The following MCF2L2 variants were observed in gnomAD, a reference collection of about 807,000 sequenced individuals.
MCF2L2 encodes probable guanine nucleotide exchange factor MCF2L2.
Under a neutral mutation model 150.2 loss-of-function variants are expected in MCF2L2, and 102 were observed. The observed-to-expected ratio is 0.68, with a 90% CI of 0.58 to 0.80. The LOEUF (loss-of-function observed/expected upper bound fraction) is 0.80, where lower values mean the gene tolerates loss of function less well. MCF2L2 is among the 30% of genes least tolerant of loss of function. The pLI is 0.00. For missense variants in MCF2L2, 1,256 were observed against 1,372.8 expected (o/e 0.91, Z 1.34); for synonymous variants, 465 against 491.3 (o/e 0.95, Z 0.71).
rs770625679 is a variant in MCF2L2, at chr3:183,207,687, C to A, written c.2633G>T (p.Gly878Val). ...SQRQIYLFERGIVFCKIRMEP... is the reference protein window; with the variant it reads ...SQRQIYLFERVIVFCKIRMEP... ...CATTCGTATCTTACAGAACACTATT[C>A]CCCTTTCAAATAGGTAGATTTGCCT... Residue 878 changes from glycine to valine, a missense_variant, in exon 23 of 30, where the codon GGA (glycine) becomes GTA (valine). By Grantham distance (109) the Gly-to-Val change is moderately radical (BLOSUM62 -3). Transcript: ENST00000328913. The A allele has an allele frequency of 6.2e-7, 1 of 1,614,208 alleles. No homozygotes were observed. The highest frequency in any genetic ancestry group is 8.5e-7 in the Non-Finnish European group (1 of 1,180,004).
chr3:183,255,153 C>A (rs1353211636), intron 15 of MCF2L2, among the ~76,000 whole-genome samples: 1 of 152,134 alleles, frequency 6.6e-6, no homozygotes, highest in African/African-American at 2.4e-5. Context: ...GAAACCTTGC[C>A]TGTTCCCTGT....
intron 20 of MCF2L2, among the ~76,000 whole-genome samples, chr3:183,220,141 C>CT (rs1723093872): frequency 6.6e-6 from 1 of 152,216 alleles, no homozygotes; most frequent in East Asian, 1.9e-4. Flanking sequence ...TTGTAGACTA[C>CT]TTTTTCTCAT....
intron 25 of MCF2L2, among the ~76,000 whole-genome samples, chr3:183,196,239 A>G (rs1417456706): frequency 6.6e-6 from 1 of 152,042 alleles, no homozygotes; most frequent in Non-Finnish European, 1.5e-5. Context: ...TACCTCCGAG[A>G]GGCCCTCTCT....
intron 17 of MCF2L2, among the ~76,000 whole-genome samples, chr3:183,229,328 C>T (rs1723463217): frequency 6.6e-6 from 1 of 152,214 alleles, no homozygotes; most frequent in Non-Finnish European, 1.5e-5. Flanking sequence ...TCTTGGTCAT[C>T]TTTGTATTCC....
chr3:183,421,503 C>G (rs1016693051), intron 1 of MCF2L2, among the ~76,000 whole-genome samples: 1 of 152,162 alleles, frequency 6.6e-6, no homozygotes, highest in African/African-American at 2.4e-5. Context: ...CTATGTTGCT[C>G]AGGTTGGTCT....
At chr3:183,289,059 T>G (rs931226051) in intron 14 of MCF2L2, 61 bp downstream of exon 14, 3 of 1,098,982 alleles carry the variant, frequency 2.7e-6, no homozygotes, top group Non-Finnish European at 4.2e-6. Context: ...TTATTGATAA[T>G]TGTGACAGCA....
chr3:183,367,227 CT>C (rs11340213), intron 3 of MCF2L2, among the ~76,000 whole-genome samples: 1,785 of 140,312 alleles, frequency 0.013, 20 homozygotes, highest in East Asian at 0.065. Context: ...TTCTTTCTTT[CT>C]TTTTTTTTTT....
At chr3:183,212,593 T>C (rs756777088) in intron 22 of MCF2L2, among the ~76,000 whole-genome samples, 17 of 152,082 alleles carry the variant, frequency 1.1e-4, no homozygotes, top group Non-Finnish European at 2.4e-4. Context: ...AGAGAGTGAA[T>C]CTAGGGAAGC....
chr3:183,269,347 C>G (rs907327976), intron 15 of MCF2L2, among the ~76,000 whole-genome samples: 1 of 150,906 alleles, frequency 6.6e-6, no homozygotes, highest in Non-Finnish European at 1.5e-5. Context: ...AAATAAACAG[C>G]CGTATGCCTC....
At chr3:183,324,572 ATAAAT>A (rs1409300007) in intron 5 of MCF2L2, among the ~76,000 whole-genome samples, 4 of 152,324 alleles carry the variant, frequency 2.6e-5, no homozygotes, top group Admixed American at 2.6e-4. Context: ...GAATGAGAAT[ATAAAT>A]TAGAGACCAG....
intron 15 of MCF2L2, chr3:183,271,706 C>G (rs575834305): frequency 1.2e-5 from 2 of 166,804 alleles, no homozygotes; most frequent in African/African-American, 4.8e-5. Flanking sequence ...AGGGAGAAAC[C>G]ATTGTTAATT....
chr3:183,259,180 C>T (rs1012538083), intron 15 of MCF2L2, among the ~76,000 whole-genome samples: 3 of 152,126 alleles, frequency 2.0e-5, no homozygotes, highest in Admixed American at 6.6e-5. Flanking sequence ...GTATCTTAGT[C>T]AGTTTTTCTG....
intron 1 of MCF2L2, among the ~76,000 whole-genome samples, chr3:183,403,254 A>G (rs1235165153): frequency 6.6e-6 from 1 of 151,744 alleles, no homozygotes; most frequent in Non-Finnish European, 1.5e-5. Flanking sequence ...CCTGGGTAAC[A>G]GTGAGACTCC....
In MCF2L2 at chr3:183,228,286, T is replaced by C; in HGVS notation, c.2115+11A>G. ...CTTTAACATGATTATTTACTGGGAG[T>C]ACAGACTTACTCTCTTGAGAAAGCA... On this transcript the variant is annotated intron_variant, in intron 18 of 29. Coordinates refer to ENST00000328913, the MANE Select transcript of MCF2L2 (RefSeq NM_015078.4). 6.2e-7 allele frequency: 1 copy of C among 1,606,832 alleles called. No homozygotes were observed. Among genetic ancestry groups the C allele is most frequent in the Non-Finnish European group, 8.5e-7 (1 of 1,173,718 alleles).
intron 1 of MCF2L2, among the ~76,000 whole-genome samples, chr3:183,390,705 T>C (rs1577116304): frequency 6.6e-6 from 1 of 152,298 alleles, no homozygotes; most frequent in East Asian, 1.9e-4. Flanking sequence ...GAGACCAGCC[T>C]GGTCAACAGA....
At chr3:183,284,892 C>T (rs115217496) in intron 14 of MCF2L2, among the ~76,000 whole-genome samples, 3,016 of 152,206 alleles carry the variant, frequency 0.02, 60 homozygotes, top group East Asian at 0.052. Context: ...GATTTGGTGG[C>T]GTCCCTGAAT....
intron 25 of MCF2L2, among the ~76,000 whole-genome samples, chr3:183,204,418 C>T (rs570124696): frequency 6.6e-6 from 1 of 151,244 alleles, no homozygotes; most frequent in Non-Finnish European, 1.5e-5. Context: ...AAATGTAAAT[C>T]AAAATCACAA....
chr3:183,367,633 G>T (rs1712617398), intron 3 of MCF2L2, among the ~76,000 whole-genome samples: 1 of 152,136 alleles, frequency 6.6e-6, no homozygotes, highest in African/African-American at 2.4e-5. Context: ...TATATAATAG[G>T]CAGAAGAACA....
Position 183,323,252 on chromosome 3 carries a change from A to C in MCF2L2, c.586T>G (p.Trp196Gly). The change falls in exon 6 of 30, where the codon TGG (tryptophan) becomes GGG (glycine). Residue 196 changes from tryptophan (W) to glycine (G), a missense_variant. Coordinates refer to ENST00000328913, the MANE Select transcript of MCF2L2 (RefSeq NM_015078.4). ...GGTLEYRHGQ[W>G]VNHRTAIENF... Reference sequence around the variant, plus strand: ...GTACTCACAGTGCGGTGATTTACCCACTGACCGTGGCGATATTCCAAAGTC... The same window carrying C: ...GTACTCACAGTGCGGTGATTTACCCCCTGACCGTGGCGATATTCCAAAGTC... The C allele has an allele frequency of 6.2e-7, 1 of 1,612,608 alleles. No individual in the cohort carries two copies. The highest frequency in any genetic ancestry group is 8.5e-7 in the Non-Finnish European group (1 of 1,178,788).
Sources: gnomAD v4.1 joint callset for allele counts (sites outside exome capture counted in the v4.1 genomes callset) on GRCh38, gnomAD v4.1.1 for gene constraint, MANE v1.5 for transcripts, NCBI Gene and HGNC (gene_info 2026-07-23, HGNC 2026-07-21) for gene names.